Variants in CTNNA2 observed in about 807,000 individuals in gnomAD.
CTNNA2 encodes catenin alpha 2, also known as catenin alpha-2.
CTNNA2 carries 42 observed loss-of-function variants against 101.0 expected under a neutral mutation model. The ratio of observed to expected loss-of-function variants is 0.42; its 90% confidence interval spans 0.32 to 0.54. CTNNA2 has a LOEUF of 0.54. Ranked by LOEUF, CTNNA2 falls within the 20% of genes least tolerant of loss-of-function variation. The pLI, the probability that CTNNA2 is intolerant of heterozygous loss-of-function variation, is 0.14. For missense variants in CTNNA2, 871 were observed against 1,223.1 expected (o/e 0.71, Z 4.29); for synonymous variants, 450 against 456.4 (o/e 0.99, Z 0.18).
At chr2:79,241,667 A>T (rs1251998608) in intron 2 of CTNNA2, among the ~76,000 whole-genome samples, 1 of 152,228 alleles carries the variant, frequency 6.6e-6, no homozygotes, top group African/African-American at 2.4e-5. Flanking sequence ...TCAAATATTT[A>T]AAAAGTTTCT....
intron 2 of CTNNA2, among the ~76,000 whole-genome samples, chr2:79,255,710 A>G (rs1674836173): frequency 6.6e-6 from 1 of 152,236 alleles, no homozygotes; most frequent in South Asian, 2.1e-4. Context: ...CTCATACAGT[A>G]GCCTAACTCT....
chr2:79,257,423 A>G (rs1674862145), intron 2 of CTNNA2, among the ~76,000 whole-genome samples: 1 of 151,990 alleles, frequency 6.6e-6, no homozygotes, highest in African/African-American at 2.4e-5. Context: ...CTTTAATAGA[A>G]CTCTGACTGT....
intron 4 of CTNNA2, among the ~76,000 whole-genome samples, chr2:79,423,918 A>T (rs1312442907): frequency 6.6e-6 from 1 of 152,126 alleles, no homozygotes; most frequent in African/African-American, 2.4e-5. Flanking sequence ...ACTTTGCCAG[A>T]TCCTGATTTG....
At chr2:80,079,554 C>T (rs1047686187) in intron 7 of CTNNA2, among the ~76,000 whole-genome samples, 6 of 152,172 alleles carry the variant, frequency 3.9e-5, no homozygotes, top group Non-Finnish European at 5.9e-5. Flanking sequence ...GTGGCTCACG[C>T]CCGCAGTCCC....
At chr2:79,606,137 T>C (rs1677874386) in intron 1 of CTNNA2, among the ~76,000 whole-genome samples, 1 of 152,132 alleles carries the variant, frequency 6.6e-6, no homozygotes, top group African/African-American at 2.4e-5. Flanking sequence ...AAATATATAT[T>C]TTATGATGAA....
chr2:80,379,462 A>G (rs62141590), intron 7 of CTNNA2, among the ~76,000 whole-genome samples: 10,121 of 152,190 alleles, frequency 0.067, 489 homozygotes, highest in Non-Finnish European at 0.1. Context: ...TTCTCTTCTA[A>G]TTAAGTGGTT....
intron 7 of CTNNA2, among the ~76,000 whole-genome samples, chr2:80,274,633 G>A (rs932291386): frequency 6.6e-6 from 1 of 152,108 alleles, no homozygotes; most frequent in East Asian, 1.9e-4. Context: ...TTTCCCTACT[G>A]GGAATAAACT....
At position 79,580,292 on chromosome 2, in the gene CTNNA2, C is replaced by T. The variant is rs1341424677; in HGVS notation, c.-6+67085C>T. Among the ~76,000 whole-genome samples, 3 of 152,220 alleles carry T rather than the reference C, an allele frequency of 2.0e-5. No homozygotes were observed. In the East Asian group the frequency reaches 5.8e-4, roughly 29 times the overall value. ...GGCGAGGTAATTACAGAAGAAGGAT[C>T]ACAAAGATCTGATGTGAAAAGTACT... is the stretch of plus-strand genomic sequence containing the variant. On this transcript the variant is annotated intron_variant, in intron 1 of 18. Transcript: ENST00000402739.
chr2:79,905,088 A>G (rs913605605), intron 6 of CTNNA2, among the ~76,000 whole-genome samples: 4 of 152,212 alleles, frequency 2.6e-5, no homozygotes, highest in Admixed American at 2.6e-4. Context: ...GGGGTGAATT[A>G]TTGTGGCTGT....
chr2:79,973,789 T>G (rs945752546), intron 7 of CTNNA2, among the ~76,000 whole-genome samples: 3 of 152,132 alleles, frequency 2.0e-5, no homozygotes, highest in African/African-American at 7.2e-5. Flanking sequence ...GCTACAAGGA[T>G]CAGTACCAAG....
chr2:79,954,614 G>A (rs1347851220), intron 7 of CTNNA2, among the ~76,000 whole-genome samples: 4 of 152,062 alleles, frequency 2.6e-5, no homozygotes, highest in Admixed American at 6.5e-5. Flanking sequence ...ATCTTTGTGT[G>A]TTTTTCACTG....
In CTNNA2 at chr2:79,515,201, G is replaced by A. The variant is rs141741108; in HGVS notation, c.-6+1994G>A. Among the ~76,000 whole-genome samples, 281 of 152,344 alleles carry A rather than the reference G, an allele frequency of 1.8e-3. 1 individual carries two copies. The highest frequency in any genetic ancestry group is 6.4e-3 in the African/African-American group (265 of 41,578). On this transcript the variant is annotated intron_variant, in intron 1 of 18. Transcript: ENST00000402739. Reference sequence around the variant, plus strand: ...TACCAACATCCTGATGCAGATTGCAGTCAACCCTGTGTGTATTGGAATGCT... The same window carrying A: ...TACCAACATCCTGATGCAGATTGCAATCAACCCTGTGTGTATTGGAATGCT...
intron 1 of CTNNA2, among the ~76,000 whole-genome samples, chr2:79,623,555 T>A (rs1215520318): frequency 6.6e-6 from 1 of 152,132 alleles, no homozygotes; most frequent in African/African-American, 2.4e-5. Flanking sequence ...ATGTAGAAAA[T>A]CTTATCATCA....
intron 1 of CTNNA2, among the ~76,000 whole-genome samples, chr2:79,191,716 G>A (rs1180062938): frequency 6.6e-6 from 1 of 152,102 alleles, no homozygotes; most frequent in Non-Finnish European, 1.5e-5. Flanking sequence ...TTTTATACTT[G>A]GCTGATAAGT....
chr2:79,754,346 T>G (rs777332395), intron 3 of CTNNA2, among the ~76,000 whole-genome samples: 4 of 151,936 alleles, frequency 2.6e-5, no homozygotes, highest in Non-Finnish European at 4.4e-5. Flanking sequence ...CTCACCCTCT[T>G]TGGTGGTGAG....
chr2:80,255,647 A>G (rs1672085782), intron 7 of CTNNA2, among the ~76,000 whole-genome samples: 1 of 152,156 alleles, frequency 6.6e-6, no homozygotes. Context: ...TGTTTATGCC[A>G]TGTCTGAATA....
chr2:79,257,193 C>T (rs1351453363), intron 2 of CTNNA2, among the ~76,000 whole-genome samples: 3 of 152,096 alleles, frequency 2.0e-5, no homozygotes, highest in Admixed American at 2.0e-4. Flanking sequence ...ATGTGACACA[C>T]ATATACACAA....
At chr2:79,966,838 T>C (rs1270577922) in intron 7 of CTNNA2, among the ~76,000 whole-genome samples, 2 of 152,118 alleles carry the variant, frequency 1.3e-5, no homozygotes, top group Non-Finnish European at 2.9e-5. Flanking sequence ...CCTTCCTTCC[T>C]ACCTTCCTTC....
intron 1 of CTNNA2, among the ~76,000 whole-genome samples, chr2:79,650,132 T>C (rs774751821): frequency 1.1e-4 from 15 of 130,438 alleles, no homozygotes; most frequent in Non-Finnish European, 1.4e-4. Context: ...TAGCAATTTC[T>C]TGATGAAAGA....
Sources: gnomAD v4.1 joint callset for allele counts (sites outside exome capture counted in the v4.1 genomes callset) on GRCh38, gnomAD v4.1.1 for gene constraint, MANE v1.5 for transcripts, NCBI Gene and HGNC (gene_info 2026-07-23, HGNC 2026-07-21) for gene names.